The following GALNT17 variants were observed in gnomAD, a reference collection of about 807,000 sequenced individuals.
The protein encoded by GALNT17 is UDP-GalNAc:polypeptide N-acetylgalactosaminyltransferase-like 3.
A neutral mutation model predicts 63.7 loss-of-function variants in GALNT17; 29 were observed. The ratio of observed to expected loss-of-function variants is 0.46; its 90% CI spans 0.34 to 0.62. GALNT17 has a LOEUF of 0.62. Ranked by LOEUF, GALNT17 falls within the 20% of genes least tolerant of loss-of-function variation. The probability of loss-of-function intolerance (pLI) is 0.01; values close to 1 mark genes in which losing one functional copy is unlikely to be tolerated. For synonymous variants in GALNT17, 305 were observed against 318.3 expected, an observed-to-expected ratio of 0.96 and a Z score of 0.45; for missense variants, 603 against 799.6, an observed-to-expected ratio of 0.75 and a Z score of 2.97.
At chr7:71,551,422 C>T (rs1370820492) in intron 5 of GALNT17, among the ~76,000 whole-genome samples, 1 of 152,046 alleles carries the variant, frequency 6.6e-6, no homozygotes, top group Non-Finnish European at 1.5e-5. Flanking sequence ...CTGATAGTTC[C>T]AGTATCTGGA....
intron 6 of GALNT17, among the ~76,000 whole-genome samples, chr7:71,615,445 A>G (rs1010626989): frequency 5.5e-5 from 7 of 126,400 alleles, no homozygotes; most frequent in Non-Finnish European, 1.2e-4. Flanking sequence ...CCCTTTTTCT[A>G]TCTGCACTTT....
At chr7:71,625,678 G>C (rs1240855033) in intron 6 of GALNT17, among the ~76,000 whole-genome samples, 1 of 152,000 alleles carries the variant, frequency 6.6e-6, no homozygotes, top group Non-Finnish European at 1.5e-5. Context: ...TTCTCCTTTC[G>C]GGACCTCACT....
chr7:71,609,957 ATAAT>A (rs1214546252), intron 6 of GALNT17, among the ~76,000 whole-genome samples: 4 of 152,146 alleles, frequency 2.6e-5, no homozygotes, highest in Non-Finnish European at 4.4e-5. Flanking sequence ...ATGAACACAT[ATAAT>A]TAATAGACAT....
chr7:71,153,272 G>C (rs772203055), intron 1 of GALNT17, among the ~76,000 whole-genome samples: 1 of 152,204 alleles, frequency 6.6e-6, no homozygotes, highest in Non-Finnish European at 1.5e-5. Context: ...GATAAGGACG[G>C]TGTAAGGTGA....
intron 2 of GALNT17, among the ~76,000 whole-genome samples, chr7:71,373,624 C>T (rs780608711): frequency 5.3e-5 from 8 of 152,132 alleles, no homozygotes; most frequent in South Asian, 2.1e-4. Flanking sequence ...GTCAGATCAG[C>T]GGCAGCATTG....
intron 6 of GALNT17, among the ~76,000 whole-genome samples, chr7:71,656,882 G>C (rs926268776): frequency 6.6e-6 from 1 of 152,056 alleles, no homozygotes; most frequent in African/African-American, 2.4e-5. Context: ...TTTCTGCTCC[G>C]GGCCACCTGC....
intron 1 of GALNT17, among the ~76,000 whole-genome samples, chr7:71,182,947 G>C (rs1788760215): frequency 6.6e-6 from 1 of 152,212 alleles, no homozygotes; most frequent in Non-Finnish European, 1.5e-5. Context: ...GGCTTTGCAA[G>C]CTGGCCCTTT....
chr7:71,144,115 C>A (rs1423405037), intron 1 of GALNT17, among the ~76,000 whole-genome samples: 1 of 152,122 alleles, frequency 6.6e-6, no homozygotes, highest in African/African-American at 2.4e-5. Flanking sequence ...GACCTGAGCC[C>A]TCTCTCAGGC....
intron 6 of GALNT17, among the ~76,000 whole-genome samples, chr7:71,629,311 G>C (rs190438895): frequency 1.3e-4 from 20 of 152,256 alleles, no homozygotes; most frequent in Non-Finnish European, 2.4e-4. Context: ...TTCACACCGT[G>C]TTCTGTTAAT....
At chr7:71,573,091 C>G (rs969631303) in intron 6 of GALNT17, among the ~76,000 whole-genome samples, 13 of 151,924 alleles carry the variant, frequency 8.6e-5, no homozygotes, top group Middle Eastern at 3.4e-3. Context: ...TCACCGCAAC[C>G]TCCATCTCCC....
intron 2 of GALNT17, among the ~76,000 whole-genome samples, chr7:71,357,325 A>G (rs1792305923): frequency 6.6e-6 from 1 of 152,108 alleles, no homozygotes. Context: ...CGCGAACCCT[A>G]TTGTGAACTG....
At chr7:71,612,102 C>T (rs1790134236) in intron 6 of GALNT17, among the ~76,000 whole-genome samples, 1 of 152,144 alleles carries the variant, frequency 6.6e-6, no homozygotes, top group Non-Finnish European at 1.5e-5. Context: ...TGACAATGTA[C>T]ATTAAATTCA....
At chr7:71,331,902 G>A (rs1791814456) in intron 1 of GALNT17, among the ~76,000 whole-genome samples, 2 of 152,124 alleles carry the variant, frequency 1.3e-5, no homozygotes, top group African/African-American at 4.8e-5. Flanking sequence ...TGTCACTACT[G>A]TTAGTGCCTG....
At chr7:71,426,962 G>A (rs1020050347) in intron 5 of GALNT17, among the ~76,000 whole-genome samples, 2 of 151,812 alleles carry the variant, frequency 1.3e-5, no homozygotes, top group African/African-American at 2.4e-5. Flanking sequence ...AAAGACAAGC[G>A]TGTTCTTCAT....
rs10539122 is a variant in GALNT17, at chr7:71,564,278, CTTTTTTTTTTTT to C, written c.963-6994_963-6983del. On this transcript the variant is annotated intron_variant, in intron 5 of 10. Transcript: ENST00000333538. ...TCTTTCTTTTTTTTTCTTTTCTTTT[CTTTTTTTTTTTT>C]TTTTTTTTTTTTGAGATGGAGTCTC... is the stretch of plus-strand genomic sequence containing the variant. 2.0e-4 allele frequency among the ~76,000 whole-genome samples: 20 copies of C among 98,014 alleles called. No homozygotes were observed. In the Admixed American group the frequency reaches 2.3e-3, roughly 11 times the overall value. The allele number at this position is 98,014 out of a possible 152,430, so 64.3% of individuals were successfully genotyped here. A position where few individuals can be genotyped will look rare whatever the true frequency, so the allele number is the denominator to read the frequency against.
chr7:71,230,602 G>A (rs1789770476), intron 1 of GALNT17, among the ~76,000 whole-genome samples: 2 of 152,204 alleles, frequency 1.3e-5, no homozygotes, highest in African/African-American at 4.8e-5. Flanking sequence ...CTGTGGATGA[G>A]GACTGGTTAG....
chr7:71,624,526 T>TG (rs1229385259), intron 6 of GALNT17, among the ~76,000 whole-genome samples: 3 of 151,786 alleles, frequency 2.0e-5, no homozygotes, highest in Admixed American at 2.0e-4. Flanking sequence ...AGAAAAATGA[T>TG]GGTTTCATCA....
At chr7:71,445,715 C>G (rs907127354) in intron 5 of GALNT17, among the ~76,000 whole-genome samples, 1 of 152,174 alleles carries the variant, frequency 6.6e-6, no homozygotes, top group African/African-American at 2.4e-5. Context: ...TCCCTTTCTG[C>G]TTCCAGAAAC....
chr7:71,556,105 T>C (rs556801584), intron 5 of GALNT17, among the ~76,000 whole-genome samples: 3 of 152,314 alleles, frequency 2.0e-5, no homozygotes, highest in African/African-American at 7.2e-5. Context: ...ATTATACTCT[T>C]TTATTTGACT....
Sources: allele counts gnomAD v4.1 joint callset (sites outside exome capture counted in the v4.1 genomes callset), GRCh38; gene constraint gnomAD v4.1.1; transcripts MANE v1.5; gene names NCBI Gene and HGNC (gene_info 2026-07-23, HGNC 2026-07-21).